The following NT5C3A variants were observed in gnomAD, a reference collection of about 807,000 sequenced individuals.
NT5C3A encodes cytosolic 5'-nucleotidase 3A.
In NT5C3A, 23 loss-of-function variants were observed where a neutral mutation model predicts 40.0. That is an observed-to-expected ratio of 0.58 (90% confidence interval 0.41 to 0.81). NT5C3A has a LOEUF of 0.81. Ranked by LOEUF, NT5C3A falls within the 40% of genes least tolerant of loss-of-function variation. NT5C3A has a pLI of 0.00. For synonymous variants in NT5C3A, 130 were observed against 141.4 expected, an observed-to-expected ratio of 0.92 and a Z score of 0.57; for missense variants, 328 against 403.0, an observed-to-expected ratio of 0.81 and a Z score of 1.59.
At chr7:33,016,606 G>T (rs1468317773) in intron 7 of NT5C3A, among the ~76,000 whole-genome samples, 1 of 145,946 alleles carries the variant, frequency 6.9e-6, no homozygotes. Flanking sequence ...GGAGGTGGAG[G>T]TTGCTGTGAG....
At chr7:33,021,218 C>T in intron 5 of NT5C3A, 54 bp downstream of exon 5, 1 of 1,603,956 alleles carries the variant, frequency 6.2e-7, no homozygotes, top group Admixed American at 1.7e-5. Flanking sequence ...GTTGTAACTG[C>T]AGTGTTGTTT....
chr7:33,024,323 T>C (rs554142714), intron 2 of NT5C3A, among the ~76,000 whole-genome samples: 31 of 152,368 alleles, frequency 2.0e-4, no homozygotes, highest in African/African-American at 7.2e-4. Flanking sequence ...AGGTGCTACC[T>C]TGAGTGCCCT....
chr7:33,014,322 T>A lies in NT5C3A; in HGVS notation c.*408A>T, dbSNP rs1436121141. On this transcript the variant is annotated 3_prime_UTR_variant, in exon 9 of 9. Coordinates refer to ENST00000610140, the MANE Select transcript of NT5C3A (RefSeq NM_001002010.5). The stretch of plus-strand genomic sequence containing the variant: ...AGAGATGGTGATACCATCAGCATAA[T>A]AACCCAAATTACAAAAATGGCAATA... 2.2e-6 allele frequency: 1 copy of A among 454,342 alleles called. No individual in the cohort carries two copies. Among genetic ancestry groups the A allele is most frequent in the African/African-American group, 2.0e-5 (1 of 50,108 alleles). The allele number at this position is 454,342 out of a possible 1,614,324, so 28.1% of individuals were successfully genotyped here.
chr7:33,034,274 G>A (rs992930992), intron 1 of NT5C3A, among the ~76,000 whole-genome samples: 1 of 152,016 alleles, frequency 6.6e-6, no homozygotes, highest in Non-Finnish European at 1.5e-5. Context: ...AAATCTTTTG[G>A]CTTGTTTTCC....
intron 1 of NT5C3A, among the ~76,000 whole-genome samples, chr7:33,043,019 A>G (rs1786996161): frequency 6.6e-6 from 1 of 152,202 alleles, no homozygotes; most frequent in Non-Finnish European, 1.5e-5. Flanking sequence ...AGCACTTGAC[A>G]TTCCTTGTCT....
chr7:33,024,020 T>C lies in NT5C3A; in HGVS notation c.307+19A>G. On this transcript the variant is annotated intron_variant, in intron 3 of 8. Transcript: ENST00000610140. ...TGATGACATGCTTTTGTGAATTTGTTTACAAATATCACACTTACTATGACA... is the reference window on the plus strand; with the variant it reads ...TGATGACATGCTTTTGTGAATTTGTCTACAAATATCACACTTACTATGACA... 1 of 1,375,136 alleles carries C rather than the reference T, an allele frequency of 7.3e-7. No individual in the cohort carries two copies. Among genetic ancestry groups the C allele is most frequent in the Non-Finnish European group, 1.0e-6 (1 of 963,782 alleles). The allele number at this position is 1,375,136 out of a possible 1,614,324, so 85.2% of individuals were successfully genotyped here. A position where few individuals can be genotyped will look rare whatever the true frequency, so the allele number is the denominator to read the frequency against.
intron 4 of NT5C3A, chr7:33,021,824 T>A (rs1000828183): frequency 1.9e-6 from 1 of 521,088 alleles, no homozygotes; most frequent in African/African-American, 1.9e-5. Flanking sequence ...TTTAAGAGTT[T>A]TAAATATAAG....
chr7:33,034,849 A>G (rs1786493920), intron 1 of NT5C3A, among the ~76,000 whole-genome samples: 2 of 152,242 alleles, frequency 1.3e-5, no homozygotes, highest in Non-Finnish European at 2.9e-5. Context: ...CACAACAATA[A>G]TAAGAACACA....
intron 6 of NT5C3A, among the ~76,000 whole-genome samples, 196 bp from the exon 7 acceptor site, chr7:33,017,797 CCCTT>C (rs1785419016): frequency 6.6e-6 from 1 of 152,232 alleles, no homozygotes; most frequent in African/African-American, 2.4e-5. Context: ...TCTTTACTTT[CCCTT>C]TAATCAATTC....
At chr7:33,038,986 GA>G in intron 1 of NT5C3A, 2 of 433,460 alleles carry the variant, frequency 4.6e-6, no homozygotes, top group South Asian at 1.6e-5. Context: ...ATGTGAACTG[GA>G]AAATGTGGAA....
chr7:33,035,228 C>T (rs1786528368), intron 1 of NT5C3A, among the ~76,000 whole-genome samples: 2 of 127,938 alleles, frequency 1.6e-5, no homozygotes, highest in East Asian at 4.9e-4. Context: ...GAATCTCGCT[C>T]TGTCGCCCAG....
intron 1 of NT5C3A, among the ~76,000 whole-genome samples, chr7:33,030,541 T>C (rs1210993525): frequency 1.3e-5 from 2 of 152,144 alleles, no homozygotes; most frequent in Non-Finnish European, 2.9e-5. Flanking sequence ...GAGAACAAAT[T>C]CATTTTATGG....
At chr7:33,019,100 C>T (rs2392208) in intron 6 of NT5C3A, among the ~76,000 whole-genome samples, 109,860 of 151,538 alleles carry the variant, frequency 0.72, 40,062 homozygotes, top group African/African-American at 0.79. Context: ...CAAAAATATA[C>T]AAAAATTAGC....
chr7:33,053,951 A>G (rs1787470418), intron 1 of NT5C3A, among the ~76,000 whole-genome samples: 1 of 152,206 alleles, frequency 6.6e-6, no homozygotes. Flanking sequence ...ATCTACAGGA[A>G]ACCTGACAAA....
At chr7:33,053,953 C>T (rs1787470503) in intron 1 of NT5C3A, among the ~76,000 whole-genome samples, 1 of 152,004 alleles carries the variant, frequency 6.6e-6, no homozygotes, top group Admixed American at 6.6e-5. Flanking sequence ...CTACAGGAAA[C>T]CTGACAAACA....
At position 33,022,851 on chromosome 7, in the gene NT5C3A, C is replaced by T. The variant is rs565721768; in HGVS notation, c.308-752G>A. On this transcript the variant is annotated intron_variant, in intron 3 of 8. Coordinates refer to ENST00000610140, the MANE Select transcript of NT5C3A (RefSeq NM_001002010.5). Reference sequence around the variant, plus strand: ...TTTTGTGAATAAAGTTTTTTAAAAACTGCATTTGAGATTATTAGAAATTCT... The same window carrying T: ...TTTTGTGAATAAAGTTTTTTAAAAATTGCATTTGAGATTATTAGAAATTCT... Among the ~76,000 whole-genome samples, 4 of 151,546 alleles carry T rather than the reference C, an allele frequency of 2.6e-5. No homozygotes were observed. The East Asian group carries it at 7.7e-4, about 29-fold the overall frequency.
At chr7:33,033,894 A>ATATATATATATAT (rs11437974) in intron 1 of NT5C3A, among the ~76,000 whole-genome samples, 1 of 123,538 alleles carries the variant, frequency 8.1e-6, no homozygotes, top group African/African-American at 3.1e-5. Flanking sequence ...ATATATATAT[A>ATATATATATATAT]ATTTTTTTTT....
At chr7:33,023,748 C>A in intron 3 of NT5C3A, 3 of 310,230 alleles carry the variant, frequency 9.7e-6, no homozygotes, top group South Asian at 4.6e-5. Context: ...TCAGGTTAAC[C>A]CAAAGTTTAC....
chr7:33,030,896 G>A (rs1236340722), intron 1 of NT5C3A, among the ~76,000 whole-genome samples: 10 of 151,194 alleles, frequency 6.6e-5, no homozygotes, highest in South Asian at 2.1e-4. Flanking sequence ...TCAGGAGATC[G>A]AGACCATCCT....
Sources: allele counts gnomAD v4.1 joint callset (sites outside exome capture counted in the v4.1 genomes callset), GRCh38; gene constraint gnomAD v4.1.1; transcripts MANE v1.5; gene names NCBI Gene and HGNC (gene_info 2026-07-23, HGNC 2026-07-21).